NSMAF: variants seen among roughly 807,000 people sequenced by gnomAD.
The protein encoded by NSMAF is neutral sphingomyelinase activation associated factor.
A neutral mutation model predicts 134.9 loss-of-function variants in NSMAF; 90 were observed. That is an observed-to-expected ratio of 0.67 (90% CI 0.56 to 0.79). The LOEUF (loss-of-function observed/expected upper bound fraction) is 0.79, where lower values mean the gene tolerates loss of function less well. NSMAF is among the 30% of genes least tolerant of loss of function. The pLI, the probability that NSMAF is intolerant of heterozygous loss-of-function variation, is 0.00. For missense variants in NSMAF, 1,010 were observed against 1,119.0 expected (o/e 0.90, Z 1.39); for synonymous variants, 358 against 389.6 (o/e 0.92, Z 0.96).
At chr8:58,587,791 T>C (rs1805925084) in intron 26 of NSMAF, 90 bp from the exon 27 acceptor site, 2 of 1,089,238 alleles carry the variant, frequency 1.8e-6, no homozygotes, top group African/African-American at 1.6e-5. Flanking sequence ...TATGCTCAAT[T>C]TCCATTTAAC....
At chr8:58,584,635 A>G (rs771128843) in intron 30 of NSMAF, among the ~76,000 whole-genome samples, 76 of 152,174 alleles carry the variant, frequency 5.0e-4, no homozygotes, top group Non-Finnish European at 9.7e-4. Context: ...CAAAAGTCAC[A>G]AAGAATTTCA....
In NSMAF at chr8:58,642,937, A is replaced by G. The variant is rs768798495; in HGVS notation, c.149+47T>C. The G allele has an allele frequency of 7.4e-6, 10 of 1,347,674 alleles. No individual in the cohort carries two copies. The African/African-American group carries it at 1.3e-4, about 17-fold the overall frequency. 83.5% of individuals were successfully genotyped at this position (1,347,674 alleles called of 1,614,324 possible). A position where few individuals can be genotyped will look rare whatever the true frequency, so the allele number is the denominator to read the frequency against. ...CACACATTTAACTTTAAAAGTTCAG[A>G]TATCAGAAAGGTTTGTTTGTCCAAG... On this transcript the variant is annotated intron_variant, in intron 2 of 30. Transcript: ENST00000038176.
At chr8:58,635,438 T>C in intron 3 of NSMAF, 30 bp downstream of exon 3, 1 of 1,566,108 alleles carries the variant, frequency 6.4e-7, no homozygotes, top group African/African-American at 1.4e-5. Flanking sequence ...AAAATAGGAA[T>C]GTTTCTGTTC....
At chr8:58,655,825 T>A (rs1807693299) in intron 1 of NSMAF, among the ~76,000 whole-genome samples, 1 of 151,562 alleles carries the variant, frequency 6.6e-6, no homozygotes. Context: ...GAGAATGGCG[T>A]GAACCCGGGA....
intron 22 of NSMAF, 88 bp from the exon 23 acceptor site, chr8:58,594,378 G>A: frequency 1.6e-6 from 2 of 1,268,714 alleles, no homozygotes; most frequent in African/African-American, 1.5e-5. Context: ...ATTTTACCAA[G>A]TTTCCTTAAT....
intron 11 of NSMAF, among the ~76,000 whole-genome samples, chr8:58,606,354 C>T (rs1418275992): frequency 1.3e-5 from 2 of 152,142 alleles, no homozygotes; most frequent in Admixed American, 1.3e-4. Flanking sequence ...TCAAAAATAG[C>T]TGATCCATGT....
intron 1 of NSMAF, among the ~76,000 whole-genome samples, chr8:58,644,527 T>A (rs1195691003): frequency 6.6e-6 from 1 of 152,172 alleles, no homozygotes; most frequent in East Asian, 1.9e-4. Context: ...GGAGTGTAAA[T>A]TAGTTCAACC....
intron 1 of NSMAF, among the ~76,000 whole-genome samples, chr8:58,648,656 A>G (rs1363728532): frequency 6.6e-6 from 1 of 152,146 alleles, no homozygotes; most frequent in Non-Finnish European, 1.5e-5. Context: ...CTTCCTGCAG[A>G]CCCACTGTTC....
chr8:58,639,295 AAAAAG>A (rs1374285514), intron 2 of NSMAF, among the ~76,000 whole-genome samples: 2 of 145,466 alleles, frequency 1.4e-5, no homozygotes. Flanking sequence ...ATAAAAAAAA[AAAAAG>A]AAGAAGAAGA....
intron 1 of NSMAF, among the ~76,000 whole-genome samples, chr8:58,645,742 ATC>A (rs1241125078): frequency 1.3e-5 from 2 of 152,164 alleles, no homozygotes; most frequent in Non-Finnish European, 2.9e-5. Flanking sequence ...AGAGATGCTC[ATC>A]AAAAAAAAAT....
At chr8:58,608,647 C>T (rs1305965537) in intron 10 of NSMAF, among the ~76,000 whole-genome samples, 1 of 152,144 alleles carries the variant, frequency 6.6e-6, no homozygotes, top group Non-Finnish European at 1.5e-5. Flanking sequence ...AAATTTCTGA[C>T]CCAAGCAATA....
chr8:58,649,596 G>A (rs1359903549), intron 1 of NSMAF, among the ~76,000 whole-genome samples: 1 of 152,116 alleles, frequency 6.6e-6, no homozygotes, highest in Non-Finnish European at 1.5e-5. Flanking sequence ...CTGATCATGG[G>A]GGCAGATCCC....
intron 6 of NSMAF, among the ~76,000 whole-genome samples, chr8:58,629,636 AC>A (rs1251430072): frequency 1.3e-5 from 2 of 152,102 alleles, no homozygotes; most frequent in Non-Finnish European, 2.9e-5. Flanking sequence ...AACAACAACA[AC>A]AACAAAAACA....
rs1005282258 is a variant in NSMAF, at chr8:58,623,725, A to G, written c.440T>C (p.Val147Ala). 6.2e-7 allele frequency: 1 copy of G among 1,614,016 alleles called. No individual in the cohort carries two copies. The highest frequency in any genetic ancestry group is 1.3e-5 in the African/African-American group (1 of 74,946). The change falls in exon 7 of 31, where the codon GTG (valine) becomes GCG (alanine). Residue 147 changes from valine to alanine, a missense_variant. Transcript: ENST00000038176. Reference sequence around the variant, plus strand: ...AGTGCTTACCTGAAGCAACGTCTCCACAACATCTTCCACTTTCCCGGGAAC... The same window carrying G: ...AGTGCTTACCTGAAGCAACGTCTCCGCAACATCTTCCACTTTCCCGGGAAC... ...LDVPGKVEDV[V>A]ETLLQLHRAS...
At position 58,599,186 on chromosome 8, in the gene NSMAF, A is replaced by C. The variant is rs1455975789; in HGVS notation, c.1585+46T>G. 10 of 1,548,536 alleles carry C rather than the reference A, an allele frequency of 6.5e-6. No individual in the cohort carries two copies. The South Asian group carries it at 1.2e-4, about 18-fold the overall frequency. ...TTTTCCAATGAAAATGAATAATGCT[A>C]AATATTCACCCAATGCTAAATAAAA... is the stretch of plus-strand genomic sequence containing the variant. On this transcript the variant is annotated intron_variant, in intron 19 of 30. Coordinates refer to ENST00000038176, the MANE Select transcript of NSMAF (RefSeq NM_003580.4).
chr8:58,656,994 C>G (rs1356742882), intron 1 of NSMAF, among the ~76,000 whole-genome samples: 1 of 152,006 alleles, frequency 6.6e-6, no homozygotes, highest in East Asian at 1.9e-4. Flanking sequence ...ATCTGAAATT[C>G]GAACTTAACT....
In NSMAF at chr8:58,600,000, GT is replaced by G. The variant is rs1457456981; in HGVS notation, c.1301del (p.Asn434ThrfsTer12). On this transcript the variant is annotated frameshift_variant, in exon 17 of 31. Transcript: ENST00000038176. LOFTEE classifies it high-confidence loss of function. ...TAAAATCCGTTGCACCATCCAGACA[GT>G]TTTTCCAAGTTTCTGCAATACTACA... ...MFNSIAETWK[N>X]CLDGATDFKE... The G allele has an allele frequency of 9.9e-6, 16 of 1,613,632 alleles. No individual in the cohort carries two copies. Among genetic ancestry groups the G allele is most frequent in the Non-Finnish European group, 1.4e-5 (16 of 1,179,794 alleles).
At chr8:58,650,767 T>C (rs1419432408) in intron 1 of NSMAF, among the ~76,000 whole-genome samples, 1 of 152,374 alleles carries the variant, frequency 6.6e-6, no homozygotes, top group Admixed American at 6.5e-5. Flanking sequence ...TAATAATTTG[T>C]CTTTAATATT....
At chr8:58,639,364 C>T (rs529471704) in intron 2 of NSMAF, among the ~76,000 whole-genome samples, 231 of 152,032 alleles carry the variant, frequency 1.5e-3, no homozygotes, top group Middle Eastern at 3.4e-3. Context: ...TCCTCAGCAG[C>T]CTTAATCATC....
Sources: gnomAD v4.1 joint callset for allele counts (sites outside exome capture counted in the v4.1 genomes callset) on GRCh38, gnomAD v4.1.1 for gene constraint, MANE v1.5 for transcripts, NCBI Gene and HGNC (gene_info 2026-07-23, HGNC 2026-07-21) for gene names.